Variants in ABCA13 observed in about 807,000 individuals in gnomAD.
ABCA13 encodes ATP-binding cassette sub-family A member 13.
ABCA13 carries 476 observed loss-of-function variants against 478.7 expected under a neutral mutation model. The ratio of observed to expected loss-of-function variants is 0.99; its 90% CI spans 0.92 to 1.07. ABCA13 has a LOEUF of 1.07. Ranked by LOEUF, ABCA13 falls within the 50% of genes least tolerant of loss-of-function variation. The pLI is 0.00. For missense variants in ABCA13, 6,060 were observed against 5,910.6 expected, an observed-to-expected ratio of 1.03 and a Z score of -0.83; for synonymous variants, 2,252 against 2,158.9, an observed-to-expected ratio of 1.04 and a Z score of -1.20.
chr7:48,535,797 G>A lies in ABCA13; in HGVS notation c.14354+7452G>A, dbSNP rs1004852726. Among the ~76,000 whole-genome samples the A allele has an allele frequency of 3.9e-5, 6 of 152,172 alleles. No individual in the cohort carries two copies. The South Asian group carries it at 1.0e-3, about 26-fold the overall frequency. Reference sequence around the variant, plus strand: ...GTTGCCAGGGAAGTGGGGTAAGTCGGCAGTCACAGGCTTTACCCCGCTGCC... The same window carrying A: ...GTTGCCAGGGAAGTGGGGTAAGTCGACAGTCACAGGCTTTACCCCGCTGCC... On this transcript the variant is annotated intron_variant, in intron 55 of 61. Transcript: ENST00000435803.
chr7:48,477,321 A>C (rs1828214364), intron 45 of ABCA13, among the ~76,000 whole-genome samples: 1 of 152,194 alleles, frequency 6.6e-6, no homozygotes, highest in African/African-American at 2.4e-5. Context: ...CCATTGTGGA[A>C]GTCAGTATGG....
intron 55 of ABCA13, among the ~76,000 whole-genome samples, chr7:48,556,811 A>G (rs1785882327): frequency 6.6e-6 from 1 of 151,850 alleles, no homozygotes; most frequent in Non-Finnish European, 1.5e-5. Flanking sequence ...ACTCAATATT[A>G]TTGATAAAAA....
At chr7:48,617,274 A>G (rs892042890) in intron 59 of ABCA13, among the ~76,000 whole-genome samples, 2 of 152,146 alleles carry the variant, frequency 1.3e-5, no homozygotes, top group African/African-American at 2.4e-5. Context: ...GAGAACTTGT[A>G]GTGGGTCTCC....
chr7:48,462,428 CT>C (rs2130001999), intron 43 of ABCA13, among the ~76,000 whole-genome samples: 1 of 140,872 alleles, frequency 7.1e-6, no homozygotes, highest in Non-Finnish European at 1.5e-5. Flanking sequence ...CTTCTTTATC[CT>C]TGGAGTAAAG....
In ABCA13 at chr7:48,629,575, C is replaced by CAAAAAAA; in HGVS notation, c.14838-13697_14838-13691dup. On this transcript the variant is annotated intron_variant, in intron 59 of 61. Transcript: ENST00000435803. ...TCCTAAAGCATCAGTTACATTTTGG[C>CAAAAAAA]AAAAAAAAAAAAAAAAAAAAAAGCT... 3.0e-5 allele frequency among the ~76,000 whole-genome samples: 2 copies of CAAAAAAA among 66,958 alleles called. 1 individual carries two copies. The highest frequency in any genetic ancestry group is 5.5e-5 in the Non-Finnish European group (2 of 36,602). 43.9% of individuals were successfully genotyped at this position (66,958 alleles called of 152,430 possible).
At chr7:48,337,687 C>G (rs1367772772) in intron 28 of ABCA13, among the ~76,000 whole-genome samples, 1 of 152,208 alleles carries the variant, frequency 6.6e-6, no homozygotes, top group Non-Finnish European at 1.5e-5. Flanking sequence ...GTATCTTTCC[C>G]TCTCAGCTTC....
intron 35 of ABCA13, among the ~76,000 whole-genome samples, chr7:48,380,688 G>A (rs530339939): frequency 6.6e-6 from 1 of 152,296 alleles, no homozygotes; most frequent in African/African-American, 2.4e-5. Context: ...CATCCCCATT[G>A]TATTAATCAT....
Position 48,178,824 on chromosome 7 carries a change from C to T in ABCA13, c.69+7272C>T, listed in dbSNP as rs1795245579. On this transcript the variant is annotated intron_variant, in intron 1 of 61. Transcript: ENST00000435803. ...CTCATTTACCAATTCGACTGTCAGG[C>T]TGAAAAGAGAAAATAATTCTCTCTA... 1.3e-5 allele frequency among the ~76,000 whole-genome samples: 2 copies of T among 151,208 alleles called. 1 individual carries two copies. The highest frequency in any genetic ancestry group is 4.1e-4 in the South Asian group (2 of 4,820).
chr7:48,622,153 G>A (rs1425346682), intron 59 of ABCA13, among the ~76,000 whole-genome samples: 3 of 152,102 alleles, frequency 2.0e-5, no homozygotes, highest in Non-Finnish European at 2.9e-5. Context: ...CAGCCTGCAG[G>A]ACTCTTGCTA....
intron 5 of ABCA13, among the ~76,000 whole-genome samples, chr7:48,226,993 C>T (rs377182848): frequency 3.8e-4 from 58 of 152,134 alleles, no homozygotes; most frequent in Admixed American, 7.9e-4. Context: ...TTACAAAAAT[C>T]GGCCTTCTTT....
intron 50 of ABCA13, among the ~76,000 whole-genome samples, chr7:48,509,152 A>G (rs1018229528): frequency 7.9e-5 from 12 of 152,314 alleles, no homozygotes; most frequent in African/African-American, 2.4e-4. Context: ...AAGGTGATTT[A>G]TGAATCTTAA....
chr7:48,531,393 G>A (rs1833222453), intron 55 of ABCA13, among the ~76,000 whole-genome samples: 1 of 152,068 alleles, frequency 6.6e-6, no homozygotes, highest in African/African-American at 2.4e-5. Context: ...GGTGACTATG[G>A]CCTTATAGCA....
At chr7:48,229,995 T>G in intron 7 of ABCA13, 40 bp downstream of exon 7, 1 of 1,579,704 alleles carries the variant, frequency 6.3e-7, no homozygotes, top group Admixed American at 1.8e-5. Context: ...TTCAAAACGT[T>G]TAACTACTTA....
chr7:48,314,585 C>T (rs1263244721), intron 26 of ABCA13, among the ~76,000 whole-genome samples, 176 bp downstream of exon 26: 4 of 152,138 alleles, frequency 2.6e-5, no homozygotes. Flanking sequence ...GGTTCTAGTG[C>T]CTTTGAGCAC....
At chr7:48,502,963 T>C (rs1269738287) in intron 48 of ABCA13, among the ~76,000 whole-genome samples, 1 of 152,154 alleles carries the variant, frequency 6.6e-6, no homozygotes, top group African/African-American at 2.4e-5. Flanking sequence ...TAATTAATCC[T>C]TTTTTTGTGA....
At chr7:48,488,212 C>T (rs1462017696) in intron 47 of ABCA13, among the ~76,000 whole-genome samples, 2 of 151,162 alleles carry the variant, frequency 1.3e-5, no homozygotes, top group Non-Finnish European at 2.9e-5. Context: ...AATTGGGGAA[C>T]ATTGTCTTGT....
intron 31 of ABCA13, among the ~76,000 whole-genome samples, chr7:48,364,524 A>T (rs1420149457): frequency 6.6e-6 from 1 of 152,028 alleles, no homozygotes; most frequent in Non-Finnish European, 1.5e-5. Context: ...CCTTCCCTCC[A>T]TTTGTACACA....
At chr7:48,529,664 G>C (rs749139197) in intron 55 of ABCA13, among the ~76,000 whole-genome samples, 1 of 152,178 alleles carries the variant, frequency 6.6e-6, no homozygotes, top group African/African-American at 2.4e-5. Flanking sequence ...TGTAGAGAAA[G>C]AACTGTAAAG....
intron 20 of ABCA13, among the ~76,000 whole-genome samples, 166 bp downstream of exon 20, chr7:48,288,244 C>T (rs372804040): frequency 6.6e-6 from 1 of 152,208 alleles, no homozygotes; most frequent in Non-Finnish European, 1.5e-5. Context: ...CACCCTTCCT[C>T]CCTCTTGGCC....
Sources: allele counts gnomAD v4.1 joint callset (sites outside exome capture counted in the v4.1 genomes callset), GRCh38; gene constraint gnomAD v4.1.1; transcripts MANE v1.5; gene names NCBI Gene and HGNC (gene_info 2026-07-23, HGNC 2026-07-21).